The following CNTN4 variants were observed in gnomAD, a reference collection of about 807,000 sequenced individuals.
CNTN4 encodes the protein contactin-4.
A neutral mutation model predicts 122.5 loss-of-function variants in CNTN4; 77 were observed. The observed-to-expected ratio is 0.63, with a 90% CI of 0.52 to 0.76. CNTN4 has a LOEUF of 0.76. Among genes scored for constraint, CNTN4 ranks in the 30% least tolerant of loss-of-function variants. The pLI is 0.00. For missense variants in CNTN4, 1,256 were observed against 1,259.1 expected (o/e 1.00, Z 0.04); for synonymous variants, 512 against 447.0 (o/e 1.15, Z -1.83).
rs556924979 is a variant in CNTN4, at chr3:2,601,143, C to T, written c.55+29585C>T. Among the ~76,000 whole-genome samples, 36 of 152,188 alleles carry T rather than the reference C, an allele frequency of 2.4e-4. No homozygotes were observed. In the East Asian group the frequency reaches 4.1e-3, roughly 17 times the overall value. On this transcript the variant is annotated intron_variant, in intron 4 of 24. Coordinates refer to ENST00000418658, the MANE Select transcript of CNTN4 (RefSeq NM_175607.3). ...TAGATTGCAAAAATTTTCTCCCATT[C>T]TGTAGGTTGCCTGTTCACTCTGATG...
At chr3:2,368,725 T>A (rs919637095) in intron 3 of CNTN4, among the ~76,000 whole-genome samples, 2 of 152,046 alleles carry the variant, frequency 1.3e-5, no homozygotes, top group Admixed American at 6.5e-5. Context: ...CATTAGGAGA[T>A]CATTATTGCA....
rs1468781296 is a variant in CNTN4 at position 2,575,843 on chromosome 3, A to G, written c.55+4285A>G. Among the ~76,000 whole-genome samples, 4 of 109,006 alleles carry G rather than the reference A, an allele frequency of 3.7e-5. No individual in the cohort carries two copies. In the South Asian group the frequency reaches 1.3e-3, roughly 36 times the overall value. 71.5% of individuals were successfully genotyped at this position (109,006 alleles called of 152,430 possible). A position where few individuals can be genotyped will look rare whatever the true frequency, so the allele number is the denominator to read the frequency against. Reference sequence around the variant, plus strand: ...TTTTTTTTTTTTTTTTTTTTGTGAGAGAGAGTCTGGCTCTGCTGCCCAGGC... The same window carrying G: ...TTTTTTTTTTTTTTTTTTTTGTGAGGGAGAGTCTGGCTCTGCTGCCCAGGC... On this transcript the variant is annotated intron_variant, in intron 4 of 24. Coordinates refer to ENST00000418658, the MANE Select transcript of CNTN4 (RefSeq NM_175607.3).
intron 2 of CNTN4, among the ~76,000 whole-genome samples, chr3:2,282,278 T>A (rs1386022747): frequency 3.9e-5 from 6 of 152,064 alleles, no homozygotes; most frequent in Non-Finnish European, 7.4e-5. Flanking sequence ...TATTTAATGA[T>A]TGGTTTATTT....
At chr3:2,137,187 A>T (rs1404305135) in intron 2 of CNTN4, among the ~76,000 whole-genome samples, 1 of 152,208 alleles carries the variant, frequency 6.6e-6, no homozygotes, top group Non-Finnish European at 1.5e-5. Flanking sequence ...GCTCCTTTAG[A>T]CTGAGGTCAT....
chr3:2,943,612 T>TA (rs1559699031), intron 13 of CNTN4, among the ~76,000 whole-genome samples: 10 of 124,202 alleles, frequency 8.1e-5, no homozygotes, highest in African/African-American at 3.0e-4. Context: ...ATAAATATAT[T>TA]TATATATATA....
intron 3 of CNTN4, among the ~76,000 whole-genome samples, chr3:2,481,015 TTC>T (rs1464708304): frequency 1.3e-5 from 2 of 151,612 alleles, no homozygotes; most frequent in Non-Finnish European, 2.9e-5. Context: ...AATTCTTTCT[TTC>T]TTTCTTTTCT....
intron 2 of CNTN4, among the ~76,000 whole-genome samples, chr3:2,233,262 C>G (rs1575135833): frequency 1.3e-5 from 2 of 152,070 alleles, no homozygotes; most frequent in Non-Finnish European, 2.9e-5. Context: ...CCACTGTTGA[C>G]TCTTCACTCA....
At chr3:2,699,840 G>A (rs2086262469) in intron 4 of CNTN4, among the ~76,000 whole-genome samples, 1 of 152,162 alleles carries the variant, frequency 6.6e-6, no homozygotes, top group Non-Finnish European at 1.5e-5. Flanking sequence ...CAACAGTAAT[G>A]TGTTGATTAT....
At chr3:2,883,367 CT>C in intron 9 of CNTN4, 120 bp downstream of exon 9, 1 of 742,166 alleles carries the variant, frequency 1.3e-6, no homozygotes. Flanking sequence ...AAGCCTTTCT[CT>C]TTGTAATTCT....
intron 2 of CNTN4, among the ~76,000 whole-genome samples, chr3:2,253,577 A>G (rs190222650): frequency 3.3e-5 from 5 of 152,038 alleles, no homozygotes; most frequent in Non-Finnish European, 5.9e-5. Context: ...AGTTCCTGCT[A>G]CTACTACTAC....
intron 3 of CNTN4, among the ~76,000 whole-genome samples, chr3:2,405,610 GA>G (rs2047008136): frequency 6.6e-6 from 1 of 150,522 alleles, no homozygotes; most frequent in Non-Finnish European, 1.5e-5. Context: ...TAGATAGATA[GA>G]TAGATAGATA....
intron 3 of CNTN4, among the ~76,000 whole-genome samples, chr3:2,566,639 TA>T (rs747356126): frequency 1.5e-5 from 2 of 132,574 alleles, no homozygotes; most frequent in Non-Finnish European, 3.5e-5. Context: ...CAAGTTTAAA[TA>T]AACGATGATA....
chr3:2,224,998 A>C (rs184015912), intron 2 of CNTN4, among the ~76,000 whole-genome samples: 160 of 151,370 alleles, frequency 1.1e-3, no homozygotes, highest in Non-Finnish European at 1.9e-3. Flanking sequence ...AAAAATACAA[A>C]AATTAGCCGG....
chr3:2,160,411 A>C, intron 2 of CNTN4, among the ~76,000 whole-genome samples: 1 of 152,182 alleles, frequency 6.6e-6, no homozygotes, highest in Non-Finnish European at 1.5e-5. Flanking sequence ...CATGTCCTGG[A>C]TGGCCTTATA....
chr3:2,308,397 C>T (rs2150122642), intron 2 of CNTN4, among the ~76,000 whole-genome samples: 1 of 151,736 alleles, frequency 6.6e-6, no homozygotes, highest in South Asian at 2.1e-4. Context: ...GTTTGCAATT[C>T]CCTTTATATT....
chr3:2,432,107 C>T (rs1215500737), intron 3 of CNTN4, among the ~76,000 whole-genome samples: 1 of 152,144 alleles, frequency 6.6e-6, no homozygotes, highest in African/African-American at 2.4e-5. Flanking sequence ...TTTGTTTCTT[C>T]ATTTTTGATT....
At chr3:2,229,965 A>G (rs1264002064) in intron 2 of CNTN4, among the ~76,000 whole-genome samples, 2 of 152,194 alleles carry the variant, frequency 1.3e-5, no homozygotes, top group African/African-American at 4.8e-5. Context: ...GGGAGTTATC[A>G]GGAAACCATC....
At chr3:2,896,110 G>C (rs928538204) in intron 10 of CNTN4, among the ~76,000 whole-genome samples, 1 of 152,050 alleles carries the variant, frequency 6.6e-6, no homozygotes, top group Admixed American at 6.5e-5. Context: ...AAACGAATCT[G>C]AATTCAAGGA....
intron 4 of CNTN4, among the ~76,000 whole-genome samples, chr3:2,641,668 C>T (rs2082901265): frequency 6.6e-6 from 1 of 152,174 alleles, no homozygotes; most frequent in Middle Eastern, 3.4e-3. Flanking sequence ...TCTAAATATC[C>T]CCCCCAAACT....
Sources: gnomAD v4.1 joint callset for allele counts (sites outside exome capture counted in the v4.1 genomes callset) on GRCh38, gnomAD v4.1.1 for gene constraint, MANE v1.5 for transcripts, NCBI Gene and HGNC (gene_info 2026-07-23, HGNC 2026-07-21) for gene names.